Variants in PCDHGA7 observed in about 807,000 individuals in gnomAD.
PCDHGA7 encodes the protein protocadherin gamma subfamily A, 7.
A neutral mutation model predicts 58.3 loss-of-function variants in PCDHGA7; 44 were observed. The ratio of observed to expected loss-of-function variants is 0.75; its 90% CI spans 0.59 to 0.97. The LOEUF (loss-of-function observed/expected upper bound fraction) is 0.97. Ranked by LOEUF, PCDHGA7 falls within the 50% of genes least tolerant of loss-of-function variation. The probability of loss-of-function intolerance (pLI) is 0.00; values close to 1 mark genes in which losing one functional copy is unlikely to be tolerated. For synonymous variants in PCDHGA7, 516 were observed against 504.2 expected (o/e 1.02, Z -0.31); for missense variants, 1,266 against 1,188.7 (o/e 1.06, Z -0.96).
Position 141,383,876 on chromosome 5 carries a change from G to A in PCDHGA7, c.977G>A (p.Gly326Asp), listed in dbSNP as rs747987128. 6 of 1,613,860 alleles carry A rather than the reference G, an allele frequency of 3.7e-6. No homozygotes were observed. The highest frequency in any genetic ancestry group is 1.3e-5 in the African/African-American group (1 of 74,918). Reference protein sequence around the residue: ...EMEVQAQDGPGSLTKAKVLIT... With the variant: ...EMEVQAQDGPDSLTKAKVLIT... The stretch of plus-strand genomic sequence containing the variant: ...GAGGTTCAGGCTCAAGATGGTCCTG[G>A]TAGTCTGACAAAGGCAAAAGTACTG... Residue 326 changes from glycine (G) to aspartate (D), a missense_variant, in exon 1 of 4, where the codon GGT (glycine) becomes GAT (aspartate). Physicochemically the swap from Gly to Asp is moderately conservative, Grantham distance 94 (BLOSUM62 -1). Coordinates refer to ENST00000518325, the MANE Select transcript of PCDHGA7 (RefSeq NM_018920.4).
chr5:141,489,250 A>C lies in PCDHGA7; in HGVS notation c.2425-5557A>C. 1 of 1,546,554 alleles carries C rather than the reference A, an allele frequency of 6.5e-7. No individual in the cohort carries two copies. The highest frequency in any genetic ancestry group is 8.7e-7 in the Non-Finnish European group (1 of 1,146,722). On this transcript the variant is annotated intron_variant, in intron 1 of 3. Transcript: ENST00000518325. This position sits in a 1 kb window ranked among gnomAD's most constrained non-coding sequence, Gnocchi z 4.5. The stretch of plus-strand genomic sequence containing the variant: ...AAGGGACTTCTGGGTCATGGGGCCC[A>C]AGACACTCCCACAGCTCGCTGGGAA...
intron 1 of PCDHGA7, among the ~76,000 whole-genome samples, chr5:141,446,323 A>G (rs1372501599): frequency 6.6e-6 from 1 of 152,216 alleles, no homozygotes. Flanking sequence ...GGGTTTCCAC[A>G]TTAAGGAACT....
chr5:141,485,245 G>C lies in PCDHGA7; in HGVS notation c.2425-9562G>C. 1 of 1,614,188 alleles carries C rather than the reference G, an allele frequency of 6.2e-7. No individual in the cohort carries two copies. Among genetic ancestry groups the C allele is most frequent in the Non-Finnish European group, 8.5e-7 (1 of 1,180,008 alleles). On this transcript the variant is annotated intron_variant, in intron 1 of 3. Coordinates refer to ENST00000518325, the MANE Select transcript of PCDHGA7 (RefSeq NM_018920.4). This position sits in a 1 kb window ranked among gnomAD's most constrained non-coding sequence, Gnocchi z 5.7. The stretch of plus-strand genomic sequence containing the variant: ...CCCTTTTGTTCCTCTTTTACCACCT[G>C]GGTTACGTTTGTGGGCAGATCCGCT...
At position 141,431,337 on chromosome 5, in the gene PCDHGA7, A is replaced by C. The variant is rs1412811147; in HGVS notation, c.2424+46014A>C. On this transcript the variant is annotated intron_variant, in intron 1 of 3. Coordinates refer to ENST00000518325, the MANE Select transcript of PCDHGA7 (RefSeq NM_018920.4). The surrounding 1 kb of genome is among the most constrained non-coding windows in gnomAD (Gnocchi z 4.8). ...GGAGCCGACGGTAGTAAGTACCCCG[A>C]ATTGGTGCTGAAACGCGCCCTGGAC... 6.2e-7 allele frequency: 1 copy of C among 1,613,926 alleles called. No homozygotes were observed. The highest frequency in any genetic ancestry group is 1.7e-5 in the Admixed American group (1 of 60,006).
intron 1 of PCDHGA7, among the ~76,000 whole-genome samples, chr5:141,469,642 A>G (rs1339074059): frequency 2.0e-5 from 3 of 152,244 alleles, no homozygotes; most frequent in Admixed American, 6.5e-5. Flanking sequence ...AAATATTTTG[A>G]TGACATAATT....
At chr5:141,389,649 G>A in intron 1 of PCDHGA7, 2 of 1,612,716 alleles carry the variant, frequency 1.2e-6, no homozygotes, top group Non-Finnish European at 1.7e-6. Context: ...GGTGACCAAG[G>A]TAGTGGCGGT....
At chr5:141,408,251 C>T (rs761835750) in intron 1 of PCDHGA7, 6 of 1,597,008 alleles carry the variant, frequency 3.8e-6, no homozygotes, top group Middle Eastern at 1.7e-4. Context: ...GCGGCAGGTG[C>T]TATTTCCTTT....
chr5:141,456,299 A>G (rs11167748), intron 1 of PCDHGA7, among the ~76,000 whole-genome samples: 25,602 of 152,048 alleles, frequency 0.17, 2,205 homozygotes, highest in South Asian at 0.22. Context: ...TCTAATGGAG[A>G]ACAGCAGCTA....
At chr5:141,479,975 C>A (rs1459297521) in intron 1 of PCDHGA7, among the ~76,000 whole-genome samples, 1 of 152,186 alleles carries the variant, frequency 6.6e-6, no homozygotes, top group East Asian at 1.9e-4. Context: ...TGAGGTTCTA[C>A]CATTTACCAA....
chr5:141,410,153 C>G (rs200651346), intron 1 of PCDHGA7: 9 of 1,612,786 alleles, frequency 5.6e-6, no homozygotes. Context: ...TGACGGTGGA[C>G]AGCCGCCACT....
intron 1 of PCDHGA7, among the ~76,000 whole-genome samples, chr5:141,402,590 A>G (rs1379327637): frequency 6.6e-6 from 1 of 152,238 alleles, no homozygotes; most frequent in Admixed American, 6.5e-5. Flanking sequence ...TAAAAAATAG[A>G]TTGCTTTTGA....
chr5:141,470,972 C>T (rs1186771156), intron 1 of PCDHGA7, among the ~76,000 whole-genome samples: 3 of 151,988 alleles, frequency 2.0e-5, no homozygotes, highest in Non-Finnish European at 4.4e-5. Flanking sequence ...CCACCTCAGC[C>T]TCCCAAAGTG....
At chr5:141,404,861 G>A in intron 1 of PCDHGA7, 1 of 1,613,848 alleles carries the variant, frequency 6.2e-7, no homozygotes, top group Non-Finnish European at 8.5e-7. Context: ...AGATAGAGAT[G>A]CGCTCAAACA....
chr5:141,426,794 G>C (rs1319220934), intron 1 of PCDHGA7: 1 of 456,708 alleles, frequency 2.2e-6, no homozygotes, highest in East Asian at 6.9e-5. Flanking sequence ...AGAGTTACCA[G>C]CTCAGTTCTA....
chr5:141,459,757 G>A (rs1360124889), intron 1 of PCDHGA7, among the ~76,000 whole-genome samples: 3 of 152,162 alleles, frequency 2.0e-5, no homozygotes, highest in Admixed American at 2.0e-4. Context: ...ATTCTAGTGG[G>A]TGTGTGATAC....
intron 1 of PCDHGA7, chr5:141,424,083 C>T (rs2096798692): frequency 4.2e-6 from 4 of 957,190 alleles, no homozygotes; most frequent in Non-Finnish European, 5.1e-6. Flanking sequence ...TATATTCCAC[C>T]ATTATTTGCT....
At chr5:141,454,483 C>T (rs1434684795) in intron 1 of PCDHGA7, among the ~76,000 whole-genome samples, 9 of 151,684 alleles carry the variant, frequency 5.9e-5, no homozygotes, top group African/African-American at 9.7e-5. Flanking sequence ...CTCAGCTCAC[C>T]GCAACCTCCA....
chr5:141,511,115 A>G lies in PCDHGA7; in HGVS notation c.2741A>G (p.Lys914Arg). 6.2e-7 allele frequency: 1 copy of G among 1,614,214 alleles called. No individual in the cohort carries two copies. Among genetic ancestry groups the G allele is most frequent in the Non-Finnish European group, 8.5e-7 (1 of 1,180,006 alleles). ...AACGCAGCTGGCAAGCGGGATGGCA[A>G]GGCCCCAGCAGGTGGCAATGGCAAC... Reference protein sequence around the residue: ...LTNAAGKRDGKAPAGGNGNKK... With the variant: ...LTNAAGKRDGRAPAGGNGNKK... Residue 914 changes from lysine (K) to arginine (R), a missense_variant, in exon 4 of 4, where the codon AAG becomes AGG. Coordinates refer to ENST00000518325, the MANE Select transcript of PCDHGA7 (RefSeq NM_018920.4).
chr5:141,404,551 G>C (rs764332245), intron 1 of PCDHGA7: 1 of 1,613,866 alleles, frequency 6.2e-7, no homozygotes, highest in Non-Finnish European at 8.5e-7. Flanking sequence ...TGCAGGTGAC[G>C]GCAAGTGACA....
Sources: allele counts gnomAD v4.1 joint callset (sites outside exome capture counted in the v4.1 genomes callset), GRCh38; gene constraint gnomAD v4.1.1; non-coding constraint Gnocchi (gnomAD v3.1); transcripts MANE v1.5; gene names NCBI Gene and HGNC (gene_info 2026-07-23, HGNC 2026-07-21).